The following VGLL3 variants were observed in gnomAD, a reference collection of about 807,000 sequenced individuals.
The protein encoded by VGLL3 is transcription cofactor vestigial-like protein 3.
A neutral mutation model predicts 29.2 loss-of-function variants in VGLL3; 18 were observed. That is an observed-to-expected ratio of 0.62 (90% CI 0.43 to 0.91). The LOEUF (loss-of-function observed/expected upper bound fraction) is 0.91. Among genes scored for constraint, VGLL3 ranks in the 40% least tolerant of loss-of-function variants. VGLL3 has a pLI of 0.00. For synonymous variants in VGLL3, 180 were observed against 151.8 expected (o/e 1.19, Z -1.36); for missense variants, 440 against 413.2 (o/e 1.06, Z -0.56).
intron 3 of VGLL3, chr3:86,962,356 T>A: frequency 1.0e-6 from 1 of 985,326 alleles, no homozygotes; most frequent in Non-Finnish European, 1.2e-6. Flanking sequence ...TGGGGTGGCA[T>A]ACACTTGCAC....
At chr3:86,973,879 G>A (rs1705155547) in intron 2 of VGLL3, among the ~76,000 whole-genome samples, 1 of 152,120 alleles carries the variant, frequency 6.6e-6, no homozygotes, top group Non-Finnish European at 1.5e-5. Context: ...ATTCTGTATG[G>A]TTTTAAGTCA....
At chr3:86,978,843 G>T (rs775805930) in intron 1 of VGLL3, 41 bp from the exon 2 acceptor site, 1 of 1,517,886 alleles carries the variant, frequency 6.6e-7, no homozygotes, top group Admixed American at 2.2e-5. Flanking sequence ...AAGACAGTTT[G>T]TAGAAAAGCA....
chr3:86,944,079 A>G lies in VGLL3; in HGVS notation c.*2945T>C, dbSNP rs1205616603. 6.6e-6 allele frequency: 1 copy of G among 152,220 alleles called. No homozygotes were observed. The highest frequency in any genetic ancestry group is 2.4e-5 in the African/African-American group (1 of 41,468). The allele number at this position is 152,220 out of a possible 1,614,324, so 9.4% of individuals were successfully genotyped here. On this transcript the variant is annotated 3_prime_UTR_variant, in exon 4 of 4. Transcript: ENST00000398399. The stretch of plus-strand genomic sequence containing the variant: ...AGAATGACAGGATTTTAAACTTGGA[A>G]TGAATTCAGAATATTATGCTAAATT...
chr3:86,984,551 T>G (rs989992995), intron 1 of VGLL3, among the ~76,000 whole-genome samples: 2 of 152,232 alleles, frequency 1.3e-5, no homozygotes, highest in African/African-American at 4.8e-5. Context: ...TGAGGGTATG[T>G]GTTCTCTCTC....
At chr3:86,975,185 A>T (rs1325193760) in intron 2 of VGLL3, among the ~76,000 whole-genome samples, 2 of 152,114 alleles carry the variant, frequency 1.3e-5, no homozygotes, top group African/African-American at 2.4e-5. Flanking sequence ...AAACAAATGG[A>T]CTCCAAAGAC....
At chr3:86,979,227 A>G (rs549927632) in intron 1 of VGLL3, among the ~76,000 whole-genome samples, 3 of 152,310 alleles carry the variant, frequency 2.0e-5, no homozygotes, top group African/African-American at 7.2e-5. Context: ...GAGAGGAATG[A>G]CTGTCTGGGG....
At chr3:86,981,405 AG>A (rs1705321907) in intron 1 of VGLL3, among the ~76,000 whole-genome samples, 1 of 152,026 alleles carries the variant, frequency 6.6e-6, no homozygotes, top group African/African-American at 2.4e-5. Context: ...AGTAAGCAAA[AG>A]CTGCCCCTGC....
chr3:86,950,071 C>G (rs1704586641), intron 3 of VGLL3, among the ~76,000 whole-genome samples: 1 of 152,090 alleles, frequency 6.6e-6, no homozygotes, highest in Non-Finnish European at 1.5e-5. Context: ...AGGTTCTGCT[C>G]CTATTCATAC....
Position 86,966,919 on chromosome 3 carries a change from C to T in VGLL3, c.937+1671G>A, listed in dbSNP as rs955383979. Among the ~76,000 whole-genome samples the T allele has an allele frequency of 2.7e-5, 4 of 149,230 alleles. No homozygotes were observed. In the East Asian group the frequency reaches 8.0e-4, roughly 30 times the overall value. On this transcript the variant is annotated intron_variant, in intron 3 of 3. Transcript: ENST00000398399. ...TATTATAAATGATATCCAACTGGGTCCTCTCAAGAATTTCCAGGGAACAAA... is the reference window on the plus strand; with the variant it reads ...TATTATAAATGATATCCAACTGGGTTCTCTCAAGAATTTCCAGGGAACAAA...
chr3:86,985,054 G>A (rs1705408351), intron 1 of VGLL3, among the ~76,000 whole-genome samples: 1 of 152,266 alleles, frequency 6.6e-6, no homozygotes, highest in South Asian at 2.1e-4. Context: ...GCAAGCCACT[G>A]AAGCTTCTGG....
At chr3:86,949,220 T>C (rs1369346125) in intron 3 of VGLL3, among the ~76,000 whole-genome samples, 1 of 152,224 alleles carries the variant, frequency 6.6e-6, no homozygotes, top group Non-Finnish European at 1.5e-5. Context: ...ATTTCATTAC[T>C]TAAGATCGCC....
intron 3 of VGLL3, among the ~76,000 whole-genome samples, chr3:86,954,064 GT>G (rs1704667912): frequency 6.6e-6 from 1 of 152,098 alleles, no homozygotes; most frequent in Non-Finnish European, 1.5e-5. Flanking sequence ...GGCAAAGGAG[GT>G]TTTCTGTTTA....
chr3:86,975,486 TTTAA>T lies in VGLL3; in HGVS notation c.403+3036_403+3039del, dbSNP rs554108251. 7.9e-5 allele frequency among the ~76,000 whole-genome samples: 12 copies of T among 152,286 alleles called. No homozygotes were observed. In the South Asian group the frequency reaches 2.5e-3, roughly 32 times the overall value. ...CAGAAGAAAATATTTTTACCAATTA[TTTAA>T]TTTAACCCCCTTATTTTATAAATTA... On this transcript the variant is annotated intron_variant, in intron 2 of 3. Coordinates refer to ENST00000398399, the MANE Select transcript of VGLL3 (RefSeq NM_016206.4).
intron 3 of VGLL3, among the ~76,000 whole-genome samples, chr3:86,956,427 G>A (rs921678275): frequency 1.3e-5 from 2 of 152,178 alleles, no homozygotes; most frequent in African/African-American, 4.8e-5. Context: ...GCAGCTAGTT[G>A]ATGACAACTC....
Position 86,938,938 on chromosome 3 carries a change from A to C in VGLL3, c.*8086T>G, listed in dbSNP as rs139404893. On this transcript the variant is annotated 3_prime_UTR_variant, in exon 4 of 4. Coordinates refer to ENST00000398399, the MANE Select transcript of VGLL3 (RefSeq NM_016206.4). ...AAAGGAAGCAAAACAATTAAATCCT[A>C]CTTGGTTGTCCCCAGAGAAAACACA... is the stretch of plus-strand genomic sequence containing the variant. 5 of 152,202 alleles carry C rather than the reference A, an allele frequency of 3.3e-5. No homozygotes were observed. The highest frequency in any genetic ancestry group is 7.3e-5 in the Non-Finnish European group (5 of 68,040). 9.4% of individuals were successfully genotyped at this position (152,202 alleles called of 1,614,324 possible).
chr3:86,962,045 CTTA>C (rs1005372960), intron 3 of VGLL3: 2 of 984,878 alleles, frequency 2.0e-6, no homozygotes, highest in South Asian at 4.7e-5. Flanking sequence ...CAATTAAGCC[CTTA>C]TTATCACATT....
Position 86,938,121 on chromosome 3 carries a change from T to C in VGLL3, c.*8903A>G, listed in dbSNP as rs186015533. On this transcript the variant is annotated 3_prime_UTR_variant, in exon 4 of 4. Transcript: ENST00000398399. ...TTTCTGTTGACTCTAATCTTTGACT[T>C]AACGATATTTTCCCAGACTTACTGA... 6.6e-6 allele frequency: 1 copy of C among 152,224 alleles called. No individual in the cohort carries two copies. Among genetic ancestry groups the C allele is most frequent in the Non-Finnish European group, 1.5e-5 (1 of 68,038 alleles). 9.4% of individuals were successfully genotyped at this position (152,224 alleles called of 1,614,324 possible).
At chr3:86,988,825 A>G (rs985167167) in intron 1 of VGLL3, among the ~76,000 whole-genome samples, 19 of 141,150 alleles carry the variant, frequency 1.3e-4, no homozygotes, top group African/African-American at 4.7e-4. Flanking sequence ...TTATGTAACC[A>G]ATCAATGTAG....
At chr3:86,982,626 G>A (rs182979066) in intron 1 of VGLL3, among the ~76,000 whole-genome samples, 1 of 152,236 alleles carries the variant, frequency 6.6e-6, no homozygotes, top group Admixed American at 6.5e-5. Context: ...AAGATTTCCT[G>A]ATTGAAGGTC....
Sources: allele counts gnomAD v4.1 joint callset (sites outside exome capture counted in the v4.1 genomes callset), GRCh38; gene constraint gnomAD v4.1.1; transcripts MANE v1.5; gene names NCBI Gene and HGNC (gene_info 2026-07-23, HGNC 2026-07-21).